TAFA5: variants seen among roughly 807,000 people sequenced by gnomAD.
TAFA5 encodes chemokine-like protein TAFA-5.
A neutral mutation model predicts 15.3 loss-of-function variants in TAFA5; 6 were observed. The observed-to-expected ratio is 0.39, with a 90% confidence interval of 0.21 to 0.77. The LOEUF is 0.77. Among genes scored for constraint, TAFA5 ranks in the 30% least tolerant of loss-of-function variants. The pLI, the probability that TAFA5 is intolerant of heterozygous loss-of-function variation, is 0.41. For synonymous variants in TAFA5, 103 were observed against 80.7 expected (o/e 1.28, Z -1.48); for missense variants, 161 against 193.1 (o/e 0.83, Z 0.98).
chr22:48,702,748 T>G (rs1928951626), intron 2 of TAFA5, among the ~76,000 whole-genome samples: 1 of 152,222 alleles, frequency 6.6e-6, no homozygotes, highest in Non-Finnish European at 1.5e-5. Context: ...AGGGGAGGCC[T>G]CCTCACCCGA....
intron 2 of TAFA5, among the ~76,000 whole-genome samples, chr22:48,703,108 A>G (rs1353552710): frequency 2.0e-5 from 3 of 151,948 alleles, no homozygotes; most frequent in Non-Finnish European, 4.4e-5. Flanking sequence ...TGTGTGCTGC[A>G]CCTATAGATA....
At chr22:48,491,103 CAGGCAGACG>C (rs1016824177) in intron 1 of TAFA5, among the ~76,000 whole-genome samples, 1 of 152,214 alleles carries the variant, frequency 6.6e-6, no homozygotes, top group African/African-American at 2.4e-5. Flanking sequence ...CCGAGCTGCC[CAGGCAGACG>C]AGGCCACCGT....
intron 3 of TAFA5, among the ~76,000 whole-genome samples, chr22:48,725,862 A>G (rs200775796): frequency 1.3e-5 from 2 of 152,330 alleles, no homozygotes; most frequent in East Asian, 3.9e-4. Flanking sequence ...CAGCAGAAGG[A>G]AGAATCACAT....
chr22:48,548,546 C>T (rs1922753931), intron 1 of TAFA5, among the ~76,000 whole-genome samples: 1 of 152,170 alleles, frequency 6.6e-6, no homozygotes, highest in Admixed American at 6.5e-5. Context: ...TCAGACTGGA[C>T]CCCAGGCTCC....
intron 1 of TAFA5, among the ~76,000 whole-genome samples, chr22:48,633,177 G>A (rs933821119): frequency 6.6e-6 from 1 of 152,200 alleles, no homozygotes; most frequent in East Asian, 1.9e-4. Flanking sequence ...CCTCCTGGAG[G>A]ACTCCAGAGC....
chr22:48,698,946 TTTTTTTTTTTG>T (rs1267272058), intron 2 of TAFA5, among the ~76,000 whole-genome samples: 2 of 82,888 alleles, frequency 2.4e-5, no homozygotes, highest in Non-Finnish European at 2.4e-5. Context: ...TTTTTTTTTT[TTTTTTTTTTTG>T]GCGCGACCAA....
rs1309683984 is a variant in TAFA5, at chr22:48,594,489, G to T, written c.113-52108G>T. ...GGAAGATGGGGCTGGGATAGGGAGG[G>T]CTGGGCCCCACCCTCTCAGGGACAT... On this transcript the variant is annotated intron_variant, in intron 1 of 3. Transcript: ENST00000402357. Among the ~76,000 whole-genome samples, 3 of 152,326 alleles carry T rather than the reference G, an allele frequency of 2.0e-5. No homozygotes were observed. The East Asian group carries it at 5.8e-4, about 29-fold the overall frequency.
chr22:48,739,942 G>C (rs953541282), intron 3 of TAFA5, among the ~76,000 whole-genome samples: 3 of 152,176 alleles, frequency 2.0e-5, no homozygotes, highest in Admixed American at 2.0e-4. Context: ...GAAGCTCTGG[G>C]GGCCCTGCAC....
chr22:48,740,967 T>G (rs1055380546), intron 3 of TAFA5, among the ~76,000 whole-genome samples: 6 of 151,814 alleles, frequency 4.0e-5, no homozygotes, highest in African/African-American at 1.5e-4. Flanking sequence ...GGGCCCCGAG[T>G]CAGCGCTCAG....
chr22:48,742,051 A>G lies in TAFA5; in HGVS notation c.391-7788A>G, dbSNP rs2147274376. On this transcript the variant is annotated intron_variant, in intron 3 of 3. Transcript: ENST00000402357. This position sits in a 1 kb window ranked among gnomAD's most constrained non-coding sequence, Gnocchi z 6.2. ...TCCTATCCCGTGTTACAGACGGGGA[A>G]ACTGGGGCTCCCAGAGGCTCCAGCT... is the stretch of plus-strand genomic sequence containing the variant. Among the ~76,000 whole-genome samples the G allele has an allele frequency of 6.6e-6, 1 of 152,312 alleles. No homozygotes were observed.
chr22:48,499,306 T>G (rs1242697603), intron 1 of TAFA5, among the ~76,000 whole-genome samples: 1 of 152,190 alleles, frequency 6.6e-6, no homozygotes, highest in Non-Finnish European at 1.5e-5. Flanking sequence ...TTTCCCCTCA[T>G]CTTCCTGCTT....
chr22:48,651,477 C>G (rs1191387640), intron 2 of TAFA5, among the ~76,000 whole-genome samples: 2 of 152,124 alleles, frequency 1.3e-5, no homozygotes, highest in African/African-American at 2.4e-5. Context: ...TGCGAGCCAC[C>G]TGGGTCCTGG....
intron 2 of TAFA5, among the ~76,000 whole-genome samples, chr22:48,664,713 T>C (rs925943720): frequency 3.9e-5 from 6 of 152,140 alleles, no homozygotes; most frequent in South Asian, 4.1e-4. Flanking sequence ...GGCCTCATTT[T>C]TGGACTTGGA....
intron 2 of TAFA5, among the ~76,000 whole-genome samples, chr22:48,686,713 C>T (rs1009946541): frequency 3.9e-4 from 59 of 150,854 alleles, no homozygotes; most frequent in African/African-American, 1.3e-3. Context: ...TTGATGGATG[C>T]TTGAATGGAT....
In TAFA5 at chr22:48,665,888, C is replaced by T. The variant is rs549848348; in HGVS notation, c.262+19142C>T. The stretch of plus-strand genomic sequence containing the variant: ...TTCCCTGGGCCGCCTGCTTGAACAT[C>T]GCAGGGTGGGATTCGCAGTGGGGAG... On this transcript the variant is annotated intron_variant, in intron 2 of 3. Coordinates refer to ENST00000402357, the MANE Select transcript of TAFA5 (RefSeq NM_001082967.3). 1.5e-4 allele frequency among the ~76,000 whole-genome samples: 23 copies of T among 152,160 alleles called. 1 individual carries two copies. The South Asian group carries it at 3.7e-3, about 25-fold the overall frequency.
chr22:48,602,833 G>A (rs1355561199), intron 1 of TAFA5, among the ~76,000 whole-genome samples: 1 of 152,180 alleles, frequency 6.6e-6, no homozygotes, highest in African/African-American at 2.4e-5. Flanking sequence ...TTCACAGATG[G>A]AACCTGGGCC....
At chr22:48,584,445 A>C (rs991643237) in intron 1 of TAFA5, among the ~76,000 whole-genome samples, 2 of 148,906 alleles carry the variant, frequency 1.3e-5, no homozygotes, top group African/African-American at 5.0e-5. Context: ...TAAATACACC[A>C]CACACGTACA....
At chr22:48,648,051 G>T (rs1177327320) in intron 2 of TAFA5, among the ~76,000 whole-genome samples, 1 of 152,212 alleles carries the variant, frequency 6.6e-6, no homozygotes, top group East Asian at 1.9e-4. Flanking sequence ...ATATGTAGGG[G>T]TGTCGCTGGC....
chr22:48,680,257 G>A (rs1395544315), intron 2 of TAFA5, among the ~76,000 whole-genome samples: 1 of 152,260 alleles, frequency 6.6e-6, no homozygotes, highest in African/African-American at 2.4e-5. Context: ...TTGGGGCTCT[G>A]TGGGGCTGGC....
Sources: gnomAD v4.1 joint callset for allele counts (sites outside exome capture counted in the v4.1 genomes callset) on GRCh38, gnomAD v4.1.1 for gene constraint, Gnocchi (gnomAD v3.1) non-coding constraint, MANE v1.5 for transcripts, NCBI Gene and HGNC (gene_info 2026-07-23, HGNC 2026-07-21) for gene names.